The following SART3 variants were observed in gnomAD, a reference collection of about 807,000 sequenced individuals.
SART3 encodes spliceosome associated factor 3, U4/U6 recycling protein.
In SART3, 44 loss-of-function variants were observed where a neutral mutation model predicts 122.3. The ratio of observed to expected loss-of-function variants is 0.36; its 90% CI spans 0.28 to 0.46. SART3 has a LOEUF of 0.46. Among genes scored for constraint, SART3 ranks in the 20% least tolerant of loss-of-function variants. SART3 has a pLI of 1.00. For synonymous variants in SART3, 442 were observed against 454.0 expected (o/e 0.97, Z 0.34); for missense variants, 1,101 against 1,229.0 (o/e 0.90, Z 1.56).
intron 1 of SART3, among the ~76,000 whole-genome samples, chr12:108,555,392 C>T (rs1031350594): frequency 2.0e-5 from 3 of 152,132 alleles, no homozygotes; most frequent in African/African-American, 4.8e-5. Context: ...TGGCCGGGGG[C>T]GGTGGCTCAC....
At chr12:108,532,182 T>C (rs752809411) in intron 13 of SART3, 40 bp downstream of exon 13, 3 of 1,564,804 alleles carry the variant, frequency 1.9e-6, no homozygotes, top group African/African-American at 1.4e-5. Context: ...AAACAGCAAA[T>C]GGGTTAGGCT....
intron 1 of SART3, among the ~76,000 whole-genome samples, chr12:108,559,710 C>T (rs2136701788): frequency 6.7e-6 from 1 of 148,806 alleles, no homozygotes; most frequent in South Asian, 2.2e-4. Context: ...TCCATCTCTT[C>T]TGTTTGCCCC....
intron 14 of SART3, 84 bp downstream of exon 14, chr12:108,531,119 TA>T: frequency 3.0e-6 from 3 of 1,013,862 alleles, no homozygotes; most frequent in Non-Finnish European, 4.7e-6. Context: ...TAGGAAAATG[TA>T]AAACATCTTG....
At chr12:108,550,179 G>C (rs1299527681) in intron 1 of SART3, among the ~76,000 whole-genome samples, 1 of 151,868 alleles carries the variant, frequency 6.6e-6, no homozygotes, top group Non-Finnish European at 1.5e-5. Context: ...CTGAGACAAA[G>C]AAAAATGAAA....
chr12:108,557,903 C>T (rs1019330955), intron 1 of SART3, among the ~76,000 whole-genome samples: 1 of 152,206 alleles, frequency 6.6e-6, no homozygotes, highest in South Asian at 2.1e-4. Context: ...GTAGCTTGCG[C>T]CTGTGATCCG....
chr12:108,525,829 T>C, intron 16 of SART3: 1 of 630,022 alleles, frequency 1.6e-6, no homozygotes, highest in South Asian at 1.9e-5. Flanking sequence ...AAAGTAACCA[T>C]TCACAGAGTC....
At chr12:108,524,648 C>G in intron 17 of SART3, 142 bp from the exon 18 acceptor site, 1 of 718,894 alleles carries the variant, frequency 1.4e-6, no homozygotes, top group South Asian at 1.5e-5. Context: ...TTACCTTCCC[C>G]ACCACCGCAT....
At chr12:108,542,573 C>T (rs534182398) in intron 6 of SART3, among the ~76,000 whole-genome samples, 4 of 152,160 alleles carry the variant, frequency 2.6e-5, no homozygotes, top group South Asian at 4.2e-4. Flanking sequence ...ACAAATGCAC[C>T]GGAGTTATAC....
chr12:108,538,268 T>C, intron 7 of SART3, 65 bp from the exon 8 acceptor site: 1 of 1,576,426 alleles, frequency 6.3e-7, no homozygotes, highest in Non-Finnish European at 8.7e-7. Flanking sequence ...CAACAAGACA[T>C]TGCCAGCACG....
intron 1 of SART3, among the ~76,000 whole-genome samples, chr12:108,553,780 G>C (rs775168701): frequency 5.9e-5 from 9 of 152,104 alleles, no homozygotes; most frequent in Non-Finnish European, 1.3e-4. Flanking sequence ...CAAATATGAA[G>C]GATTACGGGG....
intron 11 of SART3, among the ~76,000 whole-genome samples, chr12:108,536,026 G>A (rs1872888630): frequency 6.6e-6 from 1 of 152,160 alleles, no homozygotes; most frequent in Non-Finnish European, 1.5e-5. Context: ...ATCAAGGGAG[G>A]TTCCGTGTCT....
chr12:108,552,453 A>T (rs1265186674), intron 1 of SART3, among the ~76,000 whole-genome samples: 1 of 136,794 alleles, frequency 7.3e-6, no homozygotes, highest in Non-Finnish European at 1.6e-5. Context: ...GGCTAAGTAG[A>T]CAATCTTAAG....
chr12:108,545,079 C>T, intron 4 of SART3, 60 bp downstream of exon 4: 1 of 1,495,266 alleles, frequency 6.7e-7, no homozygotes, highest in Non-Finnish European at 9.3e-7. Flanking sequence ...CAAAATAATC[C>T]TTCCAAGGAG....
Position 108,523,303 on chromosome 12 carries a change from G to A in SART3, c.*154C>T. 1.2e-6 allele frequency: 1 copy of A among 810,942 alleles called. No homozygotes were observed. The highest frequency in any genetic ancestry group is 1.4e-5 in the South Asian group (1 of 69,852). 50.2% of individuals were successfully genotyped at this position (810,942 alleles called of 1,614,324 possible). On this transcript the variant is annotated 3_prime_UTR_variant, in exon 19 of 19. Transcript: ENST00000546815. ...GGAGCACTGAAAGGCTCTTGACTTA[G>A]AACCCCTTCCCCTTTCTGTCTAAAG... is the stretch of plus-strand genomic sequence containing the variant.
At chr12:108,547,805 A>G (rs1358453712) in intron 3 of SART3, 82 bp downstream of exon 3, 1 of 1,004,862 alleles carries the variant, frequency 1.0e-6, no homozygotes, top group East Asian at 2.4e-5. Flanking sequence ...TCTGGGTAGC[A>G]ACATCTCATA....
Position 108,525,440 on chromosome 12 carries a change from T to G in SART3, c.2523+17A>C. 1 of 1,614,000 alleles carries G rather than the reference T, an allele frequency of 6.2e-7. No individual in the cohort carries two copies. The highest frequency in any genetic ancestry group is 1.1e-5 in the South Asian group (1 of 91,076). On this transcript the variant is annotated intron_variant, in intron 17 of 18. Transcript: ENST00000546815. ...CCCAAGCCTTGAAGACAAGGCACAA[T>G]CTGCTCTGACTCTGACCTTTGGTTT...
chr12:108,547,832 C>G (rs1873498410), intron 3 of SART3, 55 bp downstream of exon 3: 3 of 1,280,444 alleles, frequency 2.3e-6, no homozygotes, highest in Non-Finnish European at 3.4e-6. Context: ...TCCTCAACAG[C>G]AGACTGATAT....
Position 108,539,035 on chromosome 12 carries a change from T to A in SART3, c.961A>T (p.Met321Leu), listed in dbSNP as rs776678442. 2.5e-6 allele frequency: 4 copies of A among 1,614,092 alleles called. No homozygotes were observed. In the African/African-American group the frequency reaches 4.0e-5, roughly 16 times the overall value. ...ATGCGAGCAGGATCGCCAATTTTCA[T>A]CTCAAAATCGATATATGCTTGATAT... Reference protein sequence around the residue: ...AEYQAYIDFEMKIGDPARIQL... With the variant: ...AEYQAYIDFELKIGDPARIQL... The change falls in exon 7 of 19, where the codon ATG becomes TTG. Residue 321 changes from methionine to leucine, a missense_variant. Met to Leu is a conservative substitution (Grantham distance 15). Coordinates refer to ENST00000546815, the MANE Select transcript of SART3 (RefSeq NM_014706.4).
In SART3 at chr12:108,560,929, C is replaced by A; in HGVS notation, c.226G>T (p.Ala76Ser). Reference sequence around the variant, plus strand: ...TCGTACTCCCCGGGGGAGCTCTCCGCGGAGGAAGCCATGGCGTACTCATCC... The same window carrying A: ...TCGTACTCCCCGGGGGAGCTCTCCGAGGAGGAAGCCATGGCGTACTCATCC... ...DGDEYAMASS[A>S]ESSPGEYEWE... Residue 76 changes from alanine (A) to serine (S), a missense_variant, in exon 1 of 19, where the codon GCG (alanine) becomes TCG (serine). Around this residue, in one of 2 missense-constraint regions of SART3, gnomAD observed 216 missense variants for 148.9 expected, o/e 1.45. Coordinates refer to ENST00000546815, the MANE Select transcript of SART3 (RefSeq NM_014706.4). 6.2e-7 allele frequency: 1 copy of A among 1,613,868 alleles called. No individual in the cohort carries two copies. Among genetic ancestry groups the A allele is most frequent in the Non-Finnish European group, 8.5e-7 (1 of 1,179,902 alleles).
Sources: gnomAD v4.1 joint callset for allele counts (sites outside exome capture counted in the v4.1 genomes callset) on GRCh38, gnomAD v4.1.1 for gene constraint, gnomAD v4.1.1 regional missense constraint, MANE v1.5 for transcripts, NCBI Gene and HGNC (gene_info 2026-07-23, HGNC 2026-07-21) for gene names.